ACYP2: variants seen among roughly 807,000 people sequenced by gnomAD.
ACYP2 encodes acylphosphatase 2.
A neutral mutation model predicts 11.2 loss-of-function variants in ACYP2; 12 were observed. That is an observed-to-expected ratio of 1.08 (90% CI 0.69 to 1.74). The LOEUF (loss-of-function observed/expected upper bound fraction) is 1.74, where lower values mean the gene tolerates loss of function less well. Ranked by LOEUF, ACYP2 falls within the 40% of genes most tolerant of loss-of-function variation. The pLI, the probability that ACYP2 is intolerant of heterozygous loss-of-function variation, is 0.00. For synonymous variants in ACYP2, 43 were observed against 32.2 expected (o/e 1.33, Z -1.13); for missense variants, 134 against 101.9 (o/e 1.31, Z -1.35).
intron 2 of ACYP2, among the ~76,000 whole-genome samples, chr2:54,002,711 G>T (rs1573491387): frequency 6.6e-6 from 1 of 150,776 alleles, no homozygotes; most frequent in South Asian, 2.1e-4. Context: ...GAGTGCAATG[G>T]TGCGATTTCG....
chr2:54,287,734 A>G (rs1290964568), intron 6 of ACYP2, among the ~76,000 whole-genome samples: 1 of 152,026 alleles, frequency 6.6e-6, no homozygotes, highest in Non-Finnish European at 1.5e-5. Flanking sequence ...TCCCAGCATC[A>G]TCTGCCAGAC....
At chr2:54,033,625 G>A (rs1191034017) in intron 2 of ACYP2, among the ~76,000 whole-genome samples, 3 of 152,208 alleles carry the variant, frequency 2.0e-5, no homozygotes, top group Non-Finnish European at 2.9e-5. Context: ...AGACCATGCT[G>A]AAGACAATCT....
intron 6 of ACYP2, among the ~76,000 whole-genome samples, chr2:54,251,882 C>T (rs1687242344): frequency 6.6e-6 from 1 of 152,220 alleles, no homozygotes; most frequent in Admixed American, 6.5e-5. Context: ...ATGTTCCCTA[C>T]AGGAGTTCCT....
At chr2:54,246,601 T>G (rs1035630074) in intron 6 of ACYP2, among the ~76,000 whole-genome samples, 4 of 152,162 alleles carry the variant, frequency 2.6e-5, no homozygotes, top group African/African-American at 9.6e-5. Context: ...TCTTGTTTAC[T>G]TTTTCAATTG....
chr2:54,251,701 C>T (rs529471219), intron 6 of ACYP2, among the ~76,000 whole-genome samples: 2 of 152,152 alleles, frequency 1.3e-5, no homozygotes, highest in Non-Finnish European at 2.9e-5. Flanking sequence ...CCTTGGAAGA[C>T]CATGTCTCCA....
chr2:54,139,356 G>A (rs186416162), intron 6 of ACYP2, among the ~76,000 whole-genome samples: 1 of 152,096 alleles, frequency 6.6e-6, no homozygotes. Context: ...TATTTTTCCT[G>A]CCAATGAGAG....
At chr2:54,228,474 A>G (rs1686099052) in intron 6 of ACYP2, among the ~76,000 whole-genome samples, 1 of 152,216 alleles carries the variant, frequency 6.6e-6, no homozygotes, top group African/African-American at 2.4e-5. Flanking sequence ...ACTTAAGGTC[A>G]TACGATCTGT....
At chr2:54,168,168 T>A (rs1683077680) in intron 6 of ACYP2, among the ~76,000 whole-genome samples, 1 of 152,200 alleles carries the variant, frequency 6.6e-6, no homozygotes, top group Non-Finnish European at 1.5e-5. Flanking sequence ...CTCACACCTG[T>A]AATCCCAGCA....
intron 2 of ACYP2, among the ~76,000 whole-genome samples, chr2:54,017,321 T>A (rs1324295333): frequency 2.0e-5 from 3 of 146,800 alleles, no homozygotes; most frequent in African/African-American, 7.5e-5. Flanking sequence ...AGTGGCACCA[T>A]CTCAGTTTAC....
intron 6 of ACYP2, among the ~76,000 whole-genome samples, chr2:54,276,380 G>A (rs1688571076): frequency 6.6e-6 from 1 of 151,962 alleles, no homozygotes; most frequent in Non-Finnish European, 1.5e-5. Context: ...AGTTGTCAAT[G>A]TTATAACACT....
chr2:54,280,151 A>G (rs1688781839), intron 6 of ACYP2, among the ~76,000 whole-genome samples: 5 of 152,224 alleles, frequency 3.3e-5, no homozygotes, highest in Admixed American at 6.5e-5. Context: ...CAAAGCCTCC[A>G]AGGCAATCTT....
intron 2 of ACYP2, among the ~76,000 whole-genome samples, chr2:54,029,006 A>T (rs750688995): frequency 6.6e-6 from 1 of 152,040 alleles, no homozygotes; most frequent in African/African-American, 2.4e-5. Context: ...AAATATATAT[A>T]TTTTAAAAAT....
chr2:54,175,652 C>T (rs188535675), intron 6 of ACYP2, among the ~76,000 whole-genome samples: 24 of 152,170 alleles, frequency 1.6e-4, no homozygotes, highest in African/African-American at 4.8e-4. Context: ...AGGCATGAGC[C>T]ACCGTGCCTG....
chr2:54,263,787 T>C (rs1687886471), intron 6 of ACYP2, among the ~76,000 whole-genome samples: 1 of 152,204 alleles, frequency 6.6e-6, no homozygotes, highest in Admixed American at 6.5e-5. Flanking sequence ...CATAGTAAAA[T>C]AAATATACCA....
chr2:53,995,369 A>G (rs765037441), intron 2 of ACYP2, among the ~76,000 whole-genome samples: 4 of 152,158 alleles, frequency 2.6e-5, no homozygotes, highest in African/African-American at 7.2e-5. Flanking sequence ...GTTTTTCTCA[A>G]TGCATAAATC....
At chr2:54,301,948 C>A (rs1303764907) in intron 6 of ACYP2, among the ~76,000 whole-genome samples, 1 of 152,112 alleles carries the variant, frequency 6.6e-6, no homozygotes, top group East Asian at 1.9e-4. Context: ...AGCCATGACA[C>A]AAAGTGGCCA....
At chr2:54,117,149 G>T (rs1296109028) in intron 4 of ACYP2, among the ~76,000 whole-genome samples, 1 of 152,138 alleles carries the variant, frequency 6.6e-6, no homozygotes, top group African/African-American at 2.4e-5. Flanking sequence ...AGAACTCATT[G>T]TATTCAACAG....
At chr2:54,184,036 A>C (rs1474198429) in intron 6 of ACYP2, among the ~76,000 whole-genome samples, 3 of 152,200 alleles carry the variant, frequency 2.0e-5, no homozygotes, top group Non-Finnish European at 4.4e-5. Context: ...CCAGAAAGAT[A>C]CTTCCTTATG....
At chr2:54,120,810 G>T (rs1449106353) in intron 4 of ACYP2, among the ~76,000 whole-genome samples, 1 of 152,208 alleles carries the variant, frequency 6.6e-6, no homozygotes, top group Non-Finnish European at 1.5e-5. Flanking sequence ...TGAGGGGGAT[G>T]TGGCAGTGCC....
Sources: gnomAD v4.1 joint callset for allele counts (sites outside exome capture counted in the v4.1 genomes callset) on GRCh38, gnomAD v4.1.1 for gene constraint, MANE v1.5 for transcripts, NCBI Gene and HGNC (gene_info 2026-07-23, HGNC 2026-07-21) for gene names.